The following KCTD1 variants were observed in gnomAD, a reference collection of about 807,000 sequenced individuals.
The protein encoded by KCTD1 is BTB/POZ domain-containing protein KCTD1.
Under a neutral mutation model 66.0 loss-of-function variants are expected in KCTD1, and 24 were observed. The ratio of observed to expected loss-of-function variants is 0.36; its 90% CI spans 0.26 to 0.51. The LOEUF (loss-of-function observed/expected upper bound fraction) is 0.51, where lower values mean the gene tolerates loss of function less well. Ranked by LOEUF, KCTD1 falls within the 20% of genes least tolerant of loss-of-function variation. KCTD1 has a pLI of 0.95. For missense variants in KCTD1, 943 were observed against 1,205.2 expected (o/e 0.78, Z 3.22); for synonymous variants, 511 against 517.2 (o/e 0.99, Z 0.16).
intron 1 of KCTD1, among the ~76,000 whole-genome samples, chr18:26,522,513 C>G (rs1983962365): frequency 1.3e-5 from 2 of 152,176 alleles, no homozygotes; most frequent in South Asian, 4.1e-4. Context: ...GTGTAAACCA[C>G]TCAGTTTGTA....
chr18:26,560,628 C>A (rs1985825088), intron 1 of KCTD1, among the ~76,000 whole-genome samples: 1 of 152,148 alleles, frequency 6.6e-6, no homozygotes, highest in African/African-American at 2.4e-5. Flanking sequence ...TCAGGTCTGG[C>A]AGGGGGTGGG....
intron 1 of KCTD1, among the ~76,000 whole-genome samples, chr18:26,601,201 C>A (rs1323587003): frequency 1.3e-5 from 2 of 151,844 alleles, no homozygotes; most frequent in Non-Finnish European, 2.9e-5. Context: ...TGAGCAGAGA[C>A]CCCTTTGTTC....
At chr18:26,518,457 G>A (rs970365042) in intron 1 of KCTD1, among the ~76,000 whole-genome samples, 1 of 152,010 alleles carries the variant, frequency 6.6e-6, no homozygotes, top group African/African-American at 2.4e-5. Context: ...GTAGAGACGG[G>A]GTTTCACCAC....
chr18:26,515,234 A>C (rs1455448471), intron 1 of KCTD1, among the ~76,000 whole-genome samples: 1 of 152,224 alleles, frequency 6.6e-6, no homozygotes, highest in East Asian at 1.9e-4. Context: ...CATTTATGAG[A>C]TCTCAGAACT....
intron 1 of KCTD1, among the ~76,000 whole-genome samples, chr18:26,509,453 T>C (rs1166536251): frequency 1.3e-5 from 2 of 152,164 alleles, no homozygotes; most frequent in Non-Finnish European, 2.9e-5. Flanking sequence ...AGAGTGTTAG[T>C]TCCATATATC....
intron 1 of KCTD1, among the ~76,000 whole-genome samples, chr18:26,524,033 T>G (rs903321990): frequency 1.3e-5 from 2 of 152,172 alleles, no homozygotes; most frequent in African/African-American, 4.8e-5. Context: ...CTGGAGACAA[T>G]GTAGGGGACA....
chr18:26,616,418 C>T (rs1054854124), intron 1 of KCTD1, among the ~76,000 whole-genome samples: 3 of 151,576 alleles, frequency 2.0e-5, no homozygotes, highest in Non-Finnish European at 4.4e-5. Flanking sequence ...ACAACTCCCT[C>T]GAGGCCCATC....
At chr18:26,559,628 G>A (rs1051826375) in intron 1 of KCTD1, among the ~76,000 whole-genome samples, 5 of 152,196 alleles carry the variant, frequency 3.3e-5, no homozygotes, top group Non-Finnish European at 7.3e-5. Flanking sequence ...CAAGGGTGTG[G>A]AGCCTGGTGA....
intron 1 of KCTD1, among the ~76,000 whole-genome samples, chr18:26,601,586 A>C (rs1455004794): frequency 6.6e-6 from 1 of 152,176 alleles, no homozygotes; most frequent in Non-Finnish European, 1.5e-5. Context: ...ACTGCATTGA[A>C]TCTGCAGATC....
chr18:26,548,276 C>G lies in KCTD1; in HGVS notation c.261G>C (p.Glu87Asp). Reference sequence around the variant, plus strand: ...CCTCCTCTTCCTCCTCCTCCTCGTCCTCCTCCAGCCCCCCACCTCCGTCCT... The same window carrying G: ...CCTCCTCTTCCTCCTCCTCCTCGTCGTCCTCCAGCCCCCCACCTCCGTCCT... ...EEEDGGGGLE[E>D]DEEEEEEEEM... The change falls in exon 1 of 5, where the codon GAG (glutamate) becomes GAC (aspartate). Residue 87 changes from glutamate to aspartate, a missense_variant. This residue lies in a region of KCTD1 where 236 missense variants were observed against 206.6 expected (regional missense o/e 1.14). Transcript: ENST00000580059. 6.6e-7 allele frequency: 1 copy of G among 1,513,424 alleles called. No individual in the cohort carries two copies. Among genetic ancestry groups the G allele is most frequent in the Non-Finnish European group, 8.8e-7 (1 of 1,134,324 alleles). 93.7% of individuals were successfully genotyped at this position (1,513,424 alleles called of 1,614,324 possible).
chr18:26,553,617 G>A (rs1369751022), intron 1 of KCTD1, among the ~76,000 whole-genome samples: 2 of 152,120 alleles, frequency 1.3e-5, no homozygotes, highest in Non-Finnish European at 2.9e-5. Context: ...CCTTTTCTAT[G>A]GCTCAGTTCT....
chr18:26,647,815 A>C (rs1160947257), intron 1 of KCTD1, among the ~76,000 whole-genome samples: 1 of 147,774 alleles, frequency 6.8e-6, no homozygotes, highest in Non-Finnish European at 1.5e-5. Flanking sequence ...GCCGTTTAAC[A>C]AATCACCTAG....
chr18:26,636,823 T>G (rs545410778), intron 1 of KCTD1, among the ~76,000 whole-genome samples: 1 of 152,312 alleles, frequency 6.6e-6, no homozygotes, highest in African/African-American at 2.4e-5. Flanking sequence ...CTAAAGTTAT[T>G]TGCCTGGGGC....
chr18:26,527,778 T>A (rs1275091947), intron 1 of KCTD1, among the ~76,000 whole-genome samples: 1 of 152,214 alleles, frequency 6.6e-6, no homozygotes, highest in Non-Finnish European at 1.5e-5. Context: ...GAACTCTACA[T>A]AATTTTTGTT....
intron 1 of KCTD1, among the ~76,000 whole-genome samples, chr18:26,509,642 C>CA (rs1983233741): frequency 6.6e-6 from 1 of 152,096 alleles, no homozygotes; most frequent in Non-Finnish European, 1.5e-5. Flanking sequence ...AAACCTCAGA[C>CA]AAAATTAGAT....
intron 1 of KCTD1, among the ~76,000 whole-genome samples, chr18:26,648,116 G>A (rs1377678211): frequency 6.6e-6 from 1 of 152,132 alleles, no homozygotes; most frequent in Non-Finnish European, 1.5e-5. Context: ...AAAGTGATGG[G>A]ATTACAAGTG....
chr18:26,542,890 C>G (rs1482052712), intron 1 of KCTD1: 1 of 152,184 alleles, frequency 6.6e-6, no homozygotes, highest in Non-Finnish European at 1.5e-5. Flanking sequence ...CTGGTTACAA[C>G]ATTAATATGT....
chr18:26,490,593 C>A (rs941116833), intron 2 of KCTD1, among the ~76,000 whole-genome samples: 5 of 152,192 alleles, frequency 3.3e-5, no homozygotes, highest in East Asian at 3.9e-4. Context: ...TTTCACACTG[C>A]AGCTGCCCTG....
In KCTD1 at chr18:26,547,685, G is replaced by A; in HGVS notation, c.852C>T (p.Ile284=). ...GAGPVVQKQA[I]TRADLRKLYT... is the part of the protein sequence containing the mutation. ...ACAGCTTGCGCAGGTCGGCGCGCGT[G>A]ATGGCTTGCTTCTGCACCACCGGCC... The change falls in exon 1 of 5, where the codon ATC becomes ATT. Residue 284 remains isoleucine (I), a synonymous_variant. Coordinates refer to ENST00000580059, the MANE Select transcript of KCTD1 (RefSeq NM_001142730.3). 4 of 1,551,086 alleles carry A rather than the reference G, an allele frequency of 2.6e-6. No homozygotes were observed. Among genetic ancestry groups the A allele is most frequent in the Non-Finnish European group, 3.5e-6 (4 of 1,146,982 alleles).
Sources: allele counts gnomAD v4.1 joint callset (sites outside exome capture counted in the v4.1 genomes callset), GRCh38; gene constraint gnomAD v4.1.1; regional missense constraint gnomAD v4.1.1; transcripts MANE v1.5; gene names NCBI Gene and HGNC (gene_info 2026-07-23, HGNC 2026-07-21).